Variants in GAREM1 observed in about 807,000 individuals in gnomAD.
The protein encoded by GAREM1 is GRB2 associated regulator of MAPK1 subtype 1, also known as GRB2-associated and regulator of MAPK protein 1.
GAREM1 carries 26 observed loss-of-function variants against 71.3 expected under a neutral mutation model. The ratio of observed to expected loss-of-function variants is 0.36; its 90% CI spans 0.27 to 0.51. The LOEUF (loss-of-function observed/expected upper bound fraction) is 0.51. Ranked by LOEUF, GAREM1 falls within the 20% of genes least tolerant of loss-of-function variation. The pLI, the probability that GAREM1 is intolerant of heterozygous loss-of-function variation, is 0.95. For synonymous variants in GAREM1, 440 were observed against 433.2 expected (o/e 1.02, Z -0.20); for missense variants, 1,026 against 1,103.1 (o/e 0.93, Z 0.99).
intron 2 of GAREM1, among the ~76,000 whole-genome samples, chr18:32,315,536 G>GAT (rs10638609): frequency 0.025 from 3,692 of 145,166 alleles, 123 homozygotes; most frequent in African/African-American, 0.079. Flanking sequence ...TATAAAAGTA[G>GAT]ATATATATAT....
intron 1 of GAREM1, among the ~76,000 whole-genome samples, chr18:32,456,971 G>A (rs994279677): frequency 2.6e-5 from 4 of 152,018 alleles, no homozygotes; most frequent in African/African-American, 9.7e-5. Context: ...ACAGAATTCT[G>A]CATGTCTCTG....
At chr18:32,381,580 T>C (rs1380067554) in intron 2 of GAREM1, among the ~76,000 whole-genome samples, 1 of 152,198 alleles carries the variant, frequency 6.6e-6, no homozygotes, top group Non-Finnish European at 1.5e-5. Context: ...CATTATCTTT[T>C]ATCAGGTCTA....
intron 1 of GAREM1, among the ~76,000 whole-genome samples, chr18:32,418,734 G>A (rs2048489999): frequency 1.3e-5 from 2 of 152,128 alleles, no homozygotes; most frequent in African/African-American, 2.4e-5. Flanking sequence ...GAAACGAGTA[G>A]GGTTCTCTTT....
chr18:32,431,675 T>G (rs2048626406), intron 1 of GAREM1, among the ~76,000 whole-genome samples: 1 of 151,994 alleles, frequency 6.6e-6, no homozygotes, highest in Non-Finnish European at 1.5e-5. Flanking sequence ...ACTCTAGAAA[T>G]CTAGTGAAAG....
At chr18:32,307,612 T>C (rs2047269465) in intron 3 of GAREM1, among the ~76,000 whole-genome samples, 1 of 152,174 alleles carries the variant, frequency 6.6e-6, no homozygotes, top group Admixed American at 6.5e-5. Context: ...AACCTCTGCC[T>C]CCTGGGTTCA....
chr18:32,291,690 T>G (rs2047089461), intron 3 of GAREM1, among the ~76,000 whole-genome samples: 1 of 149,632 alleles, frequency 6.7e-6, no homozygotes, highest in African/African-American at 2.5e-5. Flanking sequence ...GTTCCCCCAG[T>G]GTCCATGTGA....
In GAREM1 at chr18:32,366,543, T is replaced by C. The variant is rs1026312325; in HGVS notation, c.262+26352A>G. 2.0e-5 allele frequency among the ~76,000 whole-genome samples: 3 copies of C among 152,340 alleles called. No homozygotes were observed. In the South Asian group the frequency reaches 6.2e-4, roughly 32 times the overall value. ...CCTGTATATAATAGAGAAACTTTGT[T>C]ATTCATGGAGTTCCATCCATTCAAA... On this transcript the variant is annotated intron_variant, in intron 2 of 5. Transcript: ENST00000269209.
intron 1 of GAREM1, among the ~76,000 whole-genome samples, chr18:32,430,044 T>C (rs1046599415): frequency 1.3e-5 from 2 of 152,198 alleles, no homozygotes; most frequent in Non-Finnish European, 2.9e-5. Flanking sequence ...CACTGTATTA[T>C]ATTTTCATTT....
At position 32,470,375 on chromosome 18, in the gene GAREM1, C is replaced by A; in HGVS notation, c.54G>T (p.Ser18=). 1 of 1,554,120 alleles carries A rather than the reference C, an allele frequency of 6.4e-7. No individual in the cohort carries two copies. Among genetic ancestry groups the A allele is most frequent in the Admixed American group, 1.8e-5 (1 of 54,466 alleles). The change falls in exon 1 of 6, where the codon TCG becomes TCT. Residue 18 remains serine, a synonymous_variant. Coordinates refer to ENST00000269209, the MANE Select transcript of GAREM1 (RefSeq NM_001242409.2). The surrounding 1 kb of genome is among the most constrained non-coding windows in gnomAD (Gnocchi z 4.4). ...CCAGGAGGTCGAGCGGCACGGCCAC[C>A]GAGCTCCACTTCACATCCTTGAGGC... ...GCSLKDVKWS[S]VAVPLDLLVS...
chr18:32,465,328 C>A (rs1218076466), intron 1 of GAREM1, among the ~76,000 whole-genome samples: 1 of 152,146 alleles, frequency 6.6e-6, no homozygotes, highest in East Asian at 1.9e-4. Context: ...AAACATGGAT[C>A]CGAGAAAGAC....
rs2047953125 is a variant in GAREM1, at chr18:32,369,095, TGAC to T, written c.262+23797_262+23799del. Among the ~76,000 whole-genome samples, 3 of 152,350 alleles carry T rather than the reference TGAC, an allele frequency of 2.0e-5. No homozygotes were observed. In the South Asian group the frequency reaches 6.2e-4, roughly 32 times the overall value. On this transcript the variant is annotated intron_variant, in intron 2 of 5. Coordinates refer to ENST00000269209, the MANE Select transcript of GAREM1 (RefSeq NM_001242409.2). ...CTTCCCCACACATAAGTTCTACAGA[TGAC>T]TACATTCTGGCACAAGTGCATGTTA...
rs770813320 is a variant in GAREM1, at chr18:32,359,045, C to T, written c.262+33850G>A. On this transcript the variant is annotated intron_variant, in intron 2 of 5. Transcript: ENST00000269209. ...ATCCTCAGCTGTGCAGTTTACAACTCTCATACTGTGATATTTGTGTGCCAT... is the reference window on the plus strand; with the variant it reads ...ATCCTCAGCTGTGCAGTTTACAACTTTCATACTGTGATATTTGTGTGCCAT... Among the ~76,000 whole-genome samples, 18 of 152,150 alleles carry T rather than the reference C, an allele frequency of 1.2e-4. 1 individual carries two copies. The highest frequency in any genetic ancestry group is 2.4e-4 in the Non-Finnish European group (16 of 68,032).
At chr18:32,430,480 A>G (rs1428867198) in intron 1 of GAREM1, among the ~76,000 whole-genome samples, 1 of 152,214 alleles carries the variant, frequency 6.6e-6, no homozygotes, top group African/African-American at 2.4e-5. Flanking sequence ...ATAAACAAAT[A>G]TATTGGAAGG....
At chr18:32,321,724 CT>C (rs2047431253) in intron 2 of GAREM1, among the ~76,000 whole-genome samples, 1 of 152,218 alleles carries the variant, frequency 6.6e-6, no homozygotes, top group African/African-American at 2.4e-5. Context: ...CAACTCCATT[CT>C]TTTTCTTACA....
chr18:32,334,086 C>G (rs1324973614), intron 2 of GAREM1, among the ~76,000 whole-genome samples: 1 of 152,168 alleles, frequency 6.6e-6, no homozygotes, highest in East Asian at 1.9e-4. Flanking sequence ...CGGAAAGAAG[C>G]TGGTGTCCCG....
intron 4 of GAREM1, among the ~76,000 whole-genome samples, chr18:32,284,372 T>C (rs567623548): frequency 6.6e-6 from 1 of 152,238 alleles, no homozygotes; most frequent in Non-Finnish European, 1.5e-5. Context: ...CAAATTTTTT[T>C]TTCTTCTGTG....
intron 1 of GAREM1, among the ~76,000 whole-genome samples, chr18:32,452,899 G>A (rs185248427): frequency 1.9e-3 from 290 of 151,286 alleles, no homozygotes; most frequent in South Asian, 0.012. Context: ...CTATAGGGTA[G>A]CAAAACTTAT....
Position 32,287,631 on chromosome 18 carries a change from C to G in GAREM1, c.966G>C (p.Leu322=), listed in dbSNP as rs770655603. ...LVKGESWPET[L]VHHWLGICQE... ...GGCAGATACCTAGCCAGTGATGGAC[C>G]AGGGTTTCGGGCCAGCTCTCTCCCT... Residue 322 remains leucine (L), a synonymous_variant, in exon 4 of 6, where the codon CTG becomes CTC. Transcript: ENST00000269209. This position sits in a 1 kb window ranked among gnomAD's most constrained non-coding sequence, Gnocchi z 5.9. The G allele has an allele frequency of 6.2e-6, 10 of 1,614,014 alleles. No homozygotes were observed. Among genetic ancestry groups the G allele is most frequent in the Non-Finnish European group, 1.7e-6 (2 of 1,180,024 alleles).
chr18:32,369,326 A>G (rs141878633), intron 2 of GAREM1, among the ~76,000 whole-genome samples: 1 of 152,356 alleles, frequency 6.6e-6, no homozygotes, highest in African/African-American at 2.4e-5. Flanking sequence ...GGAATTAGTC[A>G]GAGAGTATTT....
Sources: allele counts gnomAD v4.1 joint callset (sites outside exome capture counted in the v4.1 genomes callset), GRCh38; gene constraint gnomAD v4.1.1; non-coding constraint Gnocchi (gnomAD v3.1); transcripts MANE v1.5; gene names NCBI Gene and HGNC (gene_info 2026-07-23, HGNC 2026-07-21).